The following EIF2AK4 variants were observed in gnomAD, a reference collection of about 807,000 sequenced individuals.
The protein encoded by EIF2AK4 is eIF-2-alpha kinase GCN2.
Under a neutral mutation model 211.1 loss-of-function variants are expected in EIF2AK4, and 139 were observed. That is an observed-to-expected ratio of 0.66 (90% CI 0.57 to 0.76). The LOEUF is 0.76. EIF2AK4 is among the 30% of genes least tolerant of loss of function. The pLI is 0.00. For synonymous variants in EIF2AK4, 710 were observed against 751.3 expected, an observed-to-expected ratio of 0.94 and a Z score of 0.90; for missense variants, 1,664 against 2,043.8, an observed-to-expected ratio of 0.81 and a Z score of 3.58.
intron 15 of EIF2AK4, among the ~76,000 whole-genome samples, chr15:39,990,014 C>T (rs558071353): frequency 1.3e-5 from 2 of 152,098 alleles, no homozygotes; most frequent in Non-Finnish European, 2.9e-5. Flanking sequence ...TTGGTGAACC[C>T]AGTGGAAGGG....
In EIF2AK4 at chr15:39,967,558, C is replaced by T. The variant is rs1038717202; in HGVS notation, c.1232C>T (p.Ser411Leu). The T allele has an allele frequency of 1.2e-6, 2 of 1,613,796 alleles. No homozygotes were observed. The highest frequency in any genetic ancestry group is 2.7e-5 in the African/African-American group (2 of 74,908). Residue 411 changes from serine to leucine, a missense_variant, in exon 9 of 39, where the codon TCA (serine) becomes TTA (leucine). Physicochemically the swap from Ser to Leu is moderately radical, Grantham distance 145 (BLOSUM62 -2). This residue lies in a region of EIF2AK4 where 641 missense variants were observed against 729.6 expected (regional missense o/e 0.88). Transcript: ENST00000263791. ...CGCAGGTACACAGCTCAGCTCCTGT[C>T]AGGCCTTGATTATCTGCACAGCAAT... is the stretch of plus-strand genomic sequence containing the variant. ...QLRRYTAQLL[S>L]GLDYLHSNSV...
At chr15:39,944,139 C>T (rs2034188292) in intron 3 of EIF2AK4, among the ~76,000 whole-genome samples, 2 of 152,212 alleles carry the variant, frequency 1.3e-5, no homozygotes, top group South Asian at 4.1e-4. Context: ...TGTTTTCTTT[C>T]TCAATAATTA....
At chr15:39,972,007 A>T (rs889058134) in intron 9 of EIF2AK4, among the ~76,000 whole-genome samples, 1 of 152,148 alleles carries the variant, frequency 6.6e-6, no homozygotes, top group Non-Finnish European at 1.5e-5. Context: ...ACAAAACAAG[A>T]ATTGTCTATT....
At chr15:39,978,472 A>G (rs1371423033) in intron 13 of EIF2AK4, among the ~76,000 whole-genome samples, 1 of 152,194 alleles carries the variant, frequency 6.6e-6, no homozygotes, top group Non-Finnish European at 1.5e-5. Flanking sequence ...AAATTAATGA[A>G]CTAGATTTGC....
chr15:39,955,801 G>A (rs764810003), intron 6 of EIF2AK4, 33 bp downstream of exon 6: 10 of 1,557,730 alleles, frequency 6.4e-6, no homozygotes, highest in South Asian at 1.2e-5. Context: ...CTGGGAGAAT[G>A]ACAGATGTAG....
chr15:39,946,887 A>G (rs950186580), intron 3 of EIF2AK4: 3 of 545,764 alleles, frequency 5.5e-6, no homozygotes, highest in Non-Finnish European at 9.8e-6. Flanking sequence ...GTATTTTAAA[A>G]TTAAGGTATA....
Position 39,943,372 on chromosome 15 carries a change from G to A in EIF2AK4, c.258-11G>A. The A allele has an allele frequency of 2.5e-6, 1 of 392,278 alleles. No homozygotes were observed. The highest frequency in any genetic ancestry group is 3.4e-6 in the Non-Finnish European group (1 of 290,180). The allele number at this position is 392,278 out of a possible 1,614,324, so 24.3% of individuals were successfully genotyped here. A position where few individuals can be genotyped will look rare whatever the true frequency, so the allele number is the denominator to read the frequency against. Reference sequence around the variant, plus strand: ...AACTCTTTTTTTTTTTTTTTTTTTTGCCTTTTCCAGAGTTCCTGAAATAGA... The same window carrying A: ...AACTCTTTTTTTTTTTTTTTTTTTTACCTTTTCCAGAGTTCCTGAAATAGA... On this transcript the variant is annotated splice_polypyrimidine_tract_variant and intron_variant, in intron 2 of 38. Transcript: ENST00000263791.
At chr15:40,007,962 C>A in intron 24 of EIF2AK4, 65 bp from the exon 25 acceptor site, 1 of 1,248,244 alleles carries the variant, frequency 8.0e-7, no homozygotes, top group Non-Finnish European at 1.1e-6. Context: ...TCTTGTTCAA[C>A]AATTTCTTAT....
intron 11 of EIF2AK4, chr15:39,975,217 C>T (rs2034676964): frequency 6.6e-6 from 1 of 151,086 alleles, no homozygotes; most frequent in African/African-American, 2.4e-5. Context: ...GGAACTGAAG[C>T]TCAGAGAAGG....
intron 15 of EIF2AK4, among the ~76,000 whole-genome samples, chr15:39,989,282 A>G (rs2034910100): frequency 6.6e-6 from 1 of 152,238 alleles, no homozygotes; most frequent in Non-Finnish European, 1.5e-5. Context: ...ATTAACCAAT[A>G]TAAATTCATT....
At chr15:39,962,882 T>C (rs1416565841) in intron 7 of EIF2AK4, among the ~76,000 whole-genome samples, 1 of 152,222 alleles carries the variant, frequency 6.6e-6, no homozygotes, top group Non-Finnish European at 1.5e-5. Flanking sequence ...CAGTAATTGG[T>C]ATAGAAACCA....
At chr15:39,984,801 A>C (rs1161306368) in intron 13 of EIF2AK4, among the ~76,000 whole-genome samples, 2 of 152,182 alleles carry the variant, frequency 1.3e-5, no homozygotes, top group African/African-American at 2.4e-5. Flanking sequence ...CTGCAAGCAG[A>C]GATAATTTGA....
intron 13 of EIF2AK4, among the ~76,000 whole-genome samples, chr15:39,985,597 T>C (rs905362543): frequency 2.6e-5 from 4 of 152,178 alleles, no homozygotes; most frequent in African/African-American, 9.7e-5. Flanking sequence ...GAGGCAGTAA[T>C]TAATAGCCTA....
At chr15:40,022,450 C>A in intron 31 of EIF2AK4, 69 bp from the exon 32 acceptor site, 2 of 1,274,676 alleles carry the variant, frequency 1.6e-6, no homozygotes, top group Non-Finnish European at 2.3e-6. Context: ...TATTTTCATT[C>A]TCCTTAATTA....
intron 12 of EIF2AK4, 97 bp downstream of exon 12, chr15:39,976,941 T>C (rs879050620): frequency 3.5e-4 from 270 of 768,594 alleles, no homozygotes; most frequent in Non-Finnish European, 4.3e-4. Context: ...TCCTTCCTTC[T>C]TTCCTTCTTT....
chr15:39,944,238 T>G (rs1371890654), intron 3 of EIF2AK4, among the ~76,000 whole-genome samples: 1 of 152,080 alleles, frequency 6.6e-6, no homozygotes, highest in African/African-American at 2.4e-5. Flanking sequence ...TTCTGAACAT[T>G]AGGATCTACA....
chr15:39,938,220 T>A (rs146504745), intron 1 of EIF2AK4, among the ~76,000 whole-genome samples: 1 of 152,338 alleles, frequency 6.6e-6, no homozygotes, highest in Non-Finnish European at 1.5e-5. Context: ...GCACAGTGCC[T>A]GACACAGAGT....
At chr15:40,022,824 C>T (rs1051997261) in intron 32 of EIF2AK4, among the ~76,000 whole-genome samples, 1 of 152,122 alleles carries the variant, frequency 6.6e-6, no homozygotes, top group Non-Finnish European at 1.5e-5. Flanking sequence ...AGCTCCGCCT[C>T]CCGGGTTCTC....
chr15:39,957,969 A>G (rs778313249), intron 6 of EIF2AK4, among the ~76,000 whole-genome samples: 2 of 152,242 alleles, frequency 1.3e-5, no homozygotes, highest in African/African-American at 2.4e-5. Context: ...CCTGATACTC[A>G]AAGGCTTTTC....
Sources: gnomAD v4.1 joint callset for allele counts (sites outside exome capture counted in the v4.1 genomes callset) on GRCh38, gnomAD v4.1.1 for gene constraint, gnomAD v4.1.1 regional missense constraint, MANE v1.5 for transcripts, NCBI Gene and HGNC (gene_info 2026-07-23, HGNC 2026-07-21) for gene names.